Variants in CNTN4 observed in about 807,000 individuals in gnomAD.
The protein encoded by CNTN4 is contactin-4.
In CNTN4, 77 loss-of-function variants were observed where a neutral mutation model predicts 122.5. That is an observed-to-expected ratio of 0.63 (90% CI 0.52 to 0.76). CNTN4 has a LOEUF of 0.76. Ranked by LOEUF, CNTN4 falls within the 30% of genes least tolerant of loss-of-function variation. The pLI, the probability that CNTN4 is intolerant of heterozygous loss-of-function variation, is 0.00. For missense variants in CNTN4, 1,256 were observed against 1,259.1 expected (o/e 1.00, Z 0.04); for synonymous variants, 512 against 447.0 (o/e 1.15, Z -1.83).
chr3:2,819,643 T>G (rs939454739), intron 7 of CNTN4, 62 bp downstream of exon 7: 1 of 1,237,432 alleles, frequency 8.1e-7, no homozygotes, highest in Non-Finnish European at 1.2e-6. Context: ...TCCTCAATGT[T>G]CTCCCTCCTG....
chr3:2,711,202 G>C (rs1389084747), intron 4 of CNTN4, among the ~76,000 whole-genome samples: 3 of 152,154 alleles, frequency 2.0e-5, no homozygotes, highest in Non-Finnish European at 4.4e-5. Flanking sequence ...ATACAGAAAA[G>C]AAATAAGTGA....
chr3:2,378,791 T>C (rs903692619), intron 3 of CNTN4, among the ~76,000 whole-genome samples: 2 of 152,144 alleles, frequency 1.3e-5, no homozygotes, highest in Admixed American at 6.6e-5. Context: ...TATTTTTTTT[T>C]CTCCCTTGTG....
At chr3:2,389,958 G>T (rs66695130) in intron 3 of CNTN4, among the ~76,000 whole-genome samples, 24,744 of 152,104 alleles carry the variant, frequency 0.16, 2,474 homozygotes, top group Middle Eastern at 0.26. Flanking sequence ...CAAGATTAAA[G>T]GAGATTAAAG....
chr3:2,785,136 C>T (rs2874404), intron 6 of CNTN4, among the ~76,000 whole-genome samples: 5 of 121,914 alleles, frequency 4.1e-5, no homozygotes, highest in East Asian at 5.1e-4. Flanking sequence ...CACACACACA[C>T]ACATATATAT....
Position 2,971,346 on chromosome 3 carries a change from GTCTGTCTATCTA to G in CNTN4, c.1359-16995_1359-16984del, listed in dbSNP as rs1297248577. Among the ~76,000 whole-genome samples the G allele has an allele frequency of 3.9e-3, 507 of 129,492 alleles. 3 individuals are homozygous for G. The highest frequency in any genetic ancestry group is 0.018 in the African/African-American group (445 of 24,470). 85.0% of individuals were successfully genotyped at this position (129,492 alleles called of 152,430 possible). A position where few individuals can be genotyped will look rare whatever the true frequency, so the allele number is the denominator to read the frequency against. ...TATCTATATCTATATCTGTCTGTCT[GTCTGTCTATCTA>G]TCTATCTATCTATATATATATATAT... is the stretch of plus-strand genomic sequence containing the variant. On this transcript the variant is annotated intron_variant, in intron 13 of 24. Coordinates refer to ENST00000418658, the MANE Select transcript of CNTN4 (RefSeq NM_175607.3).
At chr3:2,833,462 AATTG>A in intron 7 of CNTN4, among the ~76,000 whole-genome samples, 1 of 49,022 alleles carries the variant, frequency 2.0e-5, no homozygotes, top group South Asian at 7.6e-4. Context: ...TAATCAATGT[AATTG>A]GTAAAGACAG....
chr3:2,246,019 C>G (rs2040131517), intron 2 of CNTN4, among the ~76,000 whole-genome samples: 1 of 151,982 alleles, frequency 6.6e-6, no homozygotes, highest in Non-Finnish European at 1.5e-5. Context: ...CTCACACTGT[C>G]AGATGCTCTT....
chr3:2,716,818 T>C (rs543821204), intron 4 of CNTN4, among the ~76,000 whole-genome samples: 1 of 152,328 alleles, frequency 6.6e-6, no homozygotes, highest in South Asian at 2.1e-4. Context: ...ACTACTAGTC[T>C]GCTTTGTGTG....
intron 13 of CNTN4, among the ~76,000 whole-genome samples, chr3:2,979,280 C>T (rs563788896): frequency 3.9e-5 from 6 of 151,968 alleles, no homozygotes; most frequent in Admixed American, 6.6e-5. Flanking sequence ...TGAACTTGCC[C>T]GGTAGGGAGT....
chr3:3,017,417 T>G (rs957382081), intron 14 of CNTN4, among the ~76,000 whole-genome samples: 2 of 152,230 alleles, frequency 1.3e-5, no homozygotes, highest in African/African-American at 4.8e-5. Context: ...CATATATAGA[T>G]GTCTGATATT....
chr3:2,136,219 TAATTC>T (rs2034684134), intron 2 of CNTN4, among the ~76,000 whole-genome samples: 1 of 152,230 alleles, frequency 6.6e-6, no homozygotes, highest in South Asian at 2.1e-4. Context: ...AAAATGTAGT[TAATTC>T]AAGGAAGACC....
At chr3:2,405,829 C>A (rs2047016408) in intron 3 of CNTN4, among the ~76,000 whole-genome samples, 1 of 151,974 alleles carries the variant, frequency 6.6e-6, no homozygotes, top group Non-Finnish European at 1.5e-5. Flanking sequence ...TCAAGACCAG[C>A]CTGGGCAACA....
intron 14 of CNTN4, among the ~76,000 whole-genome samples, chr3:3,009,692 C>G (rs1338931143): frequency 6.6e-6 from 1 of 152,192 alleles, no homozygotes; most frequent in African/African-American, 2.4e-5. Flanking sequence ...CTCGGCCTCC[C>G]ATAGTGCTGG....
intron 2 of CNTN4, among the ~76,000 whole-genome samples, chr3:2,326,016 TTGAC>T (rs1179944432): frequency 5.9e-5 from 9 of 151,392 alleles, no homozygotes; most frequent in Admixed American, 1.3e-4. Flanking sequence ...ATGGTTCAGT[TTGAC>T]TGGGCCACAG....
At chr3:2,939,434 A>G (rs1312924450) in intron 13 of CNTN4, among the ~76,000 whole-genome samples, 1 of 152,126 alleles carries the variant, frequency 6.6e-6, no homozygotes, top group Non-Finnish European at 1.5e-5. Context: ...TCTCCCTAGA[A>G]TAAGTAATAT....
chr3:2,170,933 C>A (rs1470910978), intron 2 of CNTN4, among the ~76,000 whole-genome samples: 3 of 152,130 alleles, frequency 2.0e-5, no homozygotes, highest in Non-Finnish European at 4.4e-5. Flanking sequence ...TAGATCAATA[C>A]CACTTCAAAC....
chr3:2,139,772 C>T (rs553223509), intron 2 of CNTN4, among the ~76,000 whole-genome samples: 2 of 152,334 alleles, frequency 1.3e-5, no homozygotes, highest in Non-Finnish European at 1.5e-5. Flanking sequence ...ACAGTGCACA[C>T]TCTTCCTCAG....
chr3:3,042,276 A>G, intron 20 of CNTN4, 34 bp from the exon 21 acceptor site: 1 of 1,377,780 alleles, frequency 7.3e-7, no homozygotes, highest in South Asian at 1.2e-5. Flanking sequence ...AATATAGCTG[A>G]TAGAGTAATA....
chr3:2,675,850 C>G (rs1382227234), intron 4 of CNTN4, among the ~76,000 whole-genome samples: 1 of 152,166 alleles, frequency 6.6e-6, no homozygotes, highest in Non-Finnish European at 1.5e-5. Flanking sequence ...TGTCTGTTAT[C>G]TCATTTGTTT....
Sources: gnomAD v4.1 joint callset for allele counts (sites outside exome capture counted in the v4.1 genomes callset) on GRCh38, gnomAD v4.1.1 for gene constraint, MANE v1.5 for transcripts, NCBI Gene and HGNC (gene_info 2026-07-23, HGNC 2026-07-21) for gene names.